The following RERG variants were observed in gnomAD, a reference collection of about 807,000 sequenced individuals.
The protein encoded by RERG is RAS like estrogen regulated growth inhibitor, also known as ras-related and estrogen-regulated growth inhibitor.
Under a neutral mutation model 23.2 loss-of-function variants are expected in RERG, and 25 were observed. The ratio of observed to expected loss-of-function variants is 1.08; its 90% CI spans 0.79 to 1.50. The LOEUF is 1.50. Among genes scored for constraint, RERG ranks in the 40% most tolerant of loss-of-function variants. The probability of loss-of-function intolerance (pLI) is 0.00; values close to 1 mark genes in which losing one functional copy is unlikely to be tolerated. For missense variants in RERG, 253 were observed against 250.1 expected (o/e 1.01, Z -0.08); for synonymous variants, 81 against 89.1 (o/e 0.91, Z 0.51).
chr12:15,112,705 G>A lies in RERG; in HGVS notation c.119-1288C>T, dbSNP rs182342013. ...GTAAGTGTAAGTAAGTAAAACAAAGGAACATGTAAAAGTAAAATTTAATAA... is the reference window on the plus strand; with the variant it reads ...GTAAGTGTAAGTAAGTAAAACAAAGAAACATGTAAAAGTAAAATTTAATAA... On this transcript the variant is annotated intron_variant, in intron 3 of 4. Coordinates refer to ENST00000256953, the MANE Select transcript of RERG (RefSeq NM_032918.3). Among the ~76,000 whole-genome samples, 397 of 152,196 alleles carry A rather than the reference G, an allele frequency of 2.6e-3. 2 individuals carry two copies. Among genetic ancestry groups the A allele is most frequent in the Non-Finnish European group, 4.7e-3 (320 of 68,000 alleles).
chr12:15,196,652 A>C (rs1208916342), intron 2 of RERG, among the ~76,000 whole-genome samples: 1 of 152,186 alleles, frequency 6.6e-6, no homozygotes, highest in Non-Finnish European at 1.5e-5. Context: ...TACACTAAAA[A>C]TGAAACACAT....
chr12:15,137,001 G>A (rs1455220609), intron 2 of RERG, among the ~76,000 whole-genome samples: 3 of 151,868 alleles, frequency 2.0e-5, no homozygotes, highest in Non-Finnish European at 2.9e-5. Flanking sequence ...GCAAGGTGTT[G>A]AAGTCTCCAA....
chr12:15,131,294 G>C (rs1057089644), intron 2 of RERG, among the ~76,000 whole-genome samples: 2 of 151,936 alleles, frequency 1.3e-5, no homozygotes, highest in African/African-American at 4.8e-5. Flanking sequence ...TTTTATATAA[G>C]TTGAAAAATA....
At chr12:15,196,688 C>A (rs1177455594) in intron 2 of RERG, among the ~76,000 whole-genome samples, 2 of 152,134 alleles carry the variant, frequency 1.3e-5, no homozygotes, top group African/African-American at 2.4e-5. Context: ...GATGAGAAAT[C>A]ATTTCTAAAG....
intron 2 of RERG, among the ~76,000 whole-genome samples, chr12:15,140,116 A>G (rs1405088583): frequency 3.3e-5 from 5 of 152,166 alleles, no homozygotes; most frequent in African/African-American, 1.2e-4. Flanking sequence ...GTCTCTCCAA[A>G]ACTAATATAT....
intron 2 of RERG, among the ~76,000 whole-genome samples, chr12:15,172,686 T>C (rs1864793459): frequency 6.6e-6 from 1 of 152,094 alleles, no homozygotes. Context: ...TGGTATCACA[T>C]TGTGGATCAC....
intron 2 of RERG, among the ~76,000 whole-genome samples, chr12:15,183,997 G>C (rs114610354): frequency 6.6e-6 from 1 of 152,114 alleles, no homozygotes; most frequent in Admixed American, 6.5e-5. Flanking sequence ...AAAGTAAAAC[G>C]TGTGATGCGA....
chr12:15,206,261 A>G (rs1865288485), intron 2 of RERG, among the ~76,000 whole-genome samples: 1 of 152,122 alleles, frequency 6.6e-6, no homozygotes, highest in African/African-American at 2.4e-5. Flanking sequence ...AACCACAGGA[A>G]GGCTTCACAT....
At chr12:15,172,583 A>T (rs1864792335) in intron 2 of RERG, among the ~76,000 whole-genome samples, 1 of 152,102 alleles carries the variant, frequency 6.6e-6, no homozygotes, top group South Asian at 2.1e-4. Context: ...ACTATTTTAC[A>T]TTCCTATCAA....
intron 2 of RERG, among the ~76,000 whole-genome samples, chr12:15,151,129 G>T (rs540302866): frequency 2.1e-4 from 32 of 152,134 alleles, no homozygotes; most frequent in Admixed American, 2.0e-3. Context: ...AATCAGTCTT[G>T]GTTTTGTTGT....
intron 2 of RERG, among the ~76,000 whole-genome samples, chr12:15,178,674 A>G (rs896719823): frequency 6.6e-5 from 10 of 152,204 alleles, no homozygotes; most frequent in African/African-American, 2.2e-4. Context: ...GGACCAAATC[A>G]TAAATTAAAT....
chr12:15,194,242 G>T (rs1273957387), intron 2 of RERG, among the ~76,000 whole-genome samples: 1 of 152,024 alleles, frequency 6.6e-6, no homozygotes, highest in Non-Finnish European at 1.5e-5. Flanking sequence ...ACAAACACTG[G>T]TTTCCTTCAA....
intron 3 of RERG, chr12:15,112,314 G>A (rs1433603311): frequency 6.6e-6 from 1 of 152,320 alleles, no homozygotes; most frequent in East Asian, 1.9e-4. Flanking sequence ...GGTTGGTGAG[G>A]AACAGTAATC....
At chr12:15,188,714 A>G (rs1473292487) in intron 2 of RERG, among the ~76,000 whole-genome samples, 26 of 152,226 alleles carry the variant, frequency 1.7e-4, no homozygotes, top group Non-Finnish European at 1.5e-5. Flanking sequence ...TTAGCATGTA[A>G]TAGGTGCTCA....
chr12:15,114,338 T>C (rs1279345202), intron 3 of RERG, among the ~76,000 whole-genome samples: 2 of 152,116 alleles, frequency 1.3e-5, no homozygotes, highest in African/African-American at 2.4e-5. Context: ...TGAAACATGA[T>C]AAGCAAAAAG....
chr12:15,112,297 ACTGG>A (rs1289569908), intron 3 of RERG: 5 of 152,324 alleles, frequency 3.3e-5, no homozygotes, highest in Non-Finnish European at 1.5e-5. Flanking sequence ...AGACCCCAGT[ACTGG>A]CTGGTTGGTG....
chr12:15,125,718 T>G (rs567303161), intron 2 of RERG, among the ~76,000 whole-genome samples: 118 of 152,216 alleles, frequency 7.8e-4, no homozygotes, highest in African/African-American at 2.7e-3. Context: ...TGTTTTCTCA[T>G]TTCATTAAGC....
At chr12:15,181,586 G>A (rs560047405) in intron 2 of RERG, among the ~76,000 whole-genome samples, 1 of 152,260 alleles carries the variant, frequency 6.6e-6, no homozygotes, top group Non-Finnish European at 1.5e-5. Flanking sequence ...TGTAAGTGGG[G>A]ATAATGTTAG....
intron 2 of RERG, among the ~76,000 whole-genome samples, chr12:15,203,763 C>T (rs1161377378): frequency 1.3e-5 from 2 of 151,506 alleles, no homozygotes; most frequent in Non-Finnish European, 3.0e-5. Flanking sequence ...AACGATTGCA[C>T]ATATACTAAA....
Sources: gnomAD v4.1 joint callset for allele counts (sites outside exome capture counted in the v4.1 genomes callset) on GRCh38, gnomAD v4.1.1 for gene constraint, MANE v1.5 for transcripts, NCBI Gene and HGNC (gene_info 2026-07-23, HGNC 2026-07-21) for gene names.